The following RTL4 variants were observed in gnomAD, a reference collection of about 807,000 sequenced individuals.
RTL4 encodes retrotransposon Gag like 4.
Under a neutral mutation model 5.3 loss-of-function variants are expected in RTL4, and 4 were observed. That is an observed-to-expected ratio of 0.75 (90% CI 0.37 to 1.72). RTL4 has a LOEUF of 1.72. RTL4 is among the 40% of genes most tolerant of loss of function. The pLI is 0.04. For synonymous variants in RTL4, 98 were observed against 87.3 expected (o/e 1.12, Z -0.68); for missense variants, 260 against 227.1 (o/e 1.14, Z -0.93).
chrX:112,223,333 C>T, the RTL4 span, among the ~76,000 whole-genome samples: 1 of 112,351 alleles, frequency 8.9e-6, no homozygotes, highest in Admixed American at 9.4e-5. Context: ...TCCCTGACAA[C>T]GTGCCAGAGA....
chrX:112,154,490 C>G, the RTL4 span, among the ~76,000 whole-genome samples: 2 of 111,995 alleles, frequency 1.8e-5, no homozygotes, highest in Non-Finnish European at 3.8e-5. Context: ...TTGTTGTTGC[C>G]ATTTATTTTT....
chrX:112,199,288 C>CAAAAA, the RTL4 span, among the ~76,000 whole-genome samples: 1 of 34,172 alleles, frequency 2.9e-5, no homozygotes, highest in East Asian at 1.0e-3. Flanking sequence ...GGCTCCGTCT[C>CAAAAA]AAAAAAAAAA....
chrX:112,455,801 T>G lies in RTL4; in HGVS notation c.*140T>G, dbSNP rs898932550. 3.6e-5 allele frequency: 21 copies of G among 580,988 alleles called. No homozygotes were observed. The African/African-American group carries it at 4.7e-4, about 13-fold the overall frequency. 47.9% of individuals were successfully genotyped at this position (580,988 alleles called of 1,213,427 possible). A position where few individuals can be genotyped will look rare whatever the true frequency, so the allele number is the denominator to read the frequency against. ...TGAACTGACACGCTTTGGGGGAATT[T>G]AAACAATCAGATCTTGTTCATTGGC... On this transcript the variant is annotated 3_prime_UTR_variant, in exon 1 of 1. Transcript: ENST00000340433.
chrX:112,127,138 C>T, the RTL4 span, among the ~76,000 whole-genome samples: 3 of 111,526 alleles, frequency 2.7e-5, no homozygotes, highest in African/African-American at 9.8e-5. Flanking sequence ...GACCAATATC[C>T]TTTATGAACA....
chrX:112,211,552 C>A, the RTL4 span, among the ~76,000 whole-genome samples: 6 of 112,345 alleles, frequency 5.3e-5, no homozygotes, highest in South Asian at 2.2e-3. Context: ...GTTGCTTTGG[C>A]TGCTTTGCAC....
chrX:112,385,347 C>A, the RTL4 span, among the ~76,000 whole-genome samples: 1 of 109,158 alleles, frequency 9.2e-6, no homozygotes, highest in African/African-American at 3.3e-5. Context: ...GTCTGTGATT[C>A]ATTTGAAATT....
the RTL4 span, among the ~76,000 whole-genome samples, chrX:112,329,788 G>A: frequency 6.3e-5 from 7 of 111,168 alleles, no homozygotes; most frequent in East Asian, 2.8e-4. Flanking sequence ...GAATCCAGCA[G>A]CACATCAAAA....
At chrX:112,188,109 T>A in the RTL4 span, among the ~76,000 whole-genome samples, 10 of 111,533 alleles carry the variant, frequency 9.0e-5, no homozygotes, top group Admixed American at 1.9e-4. Flanking sequence ...TAATAATCAT[T>A]GTAGAATCAG....
chrX:112,087,603 A>G, the RTL4 span, among the ~76,000 whole-genome samples: 453 of 111,899 alleles, frequency 4.0e-3, 3 homozygotes, highest in African/African-American at 0.014. Context: ...CCTTATGGAC[A>G]GAGTAATGAG....
At chrX:112,434,470 A>G in the RTL4 span, among the ~76,000 whole-genome samples, 4 of 111,506 alleles carry the variant, frequency 3.6e-5, no homozygotes, top group Admixed American at 9.5e-5. Flanking sequence ...GGGAGGGTGT[A>G]TGTGTCGAGG....
the RTL4 span, among the ~76,000 whole-genome samples, chrX:112,317,542 C>T: frequency 1.4e-3 from 155 of 111,245 alleles, 1 homozygote; most frequent in African/African-American, 4.0e-3. Context: ...CCATGCTGCT[C>T]CCTGGAACTC....
At chrX:112,176,539 C>T in the RTL4 span, among the ~76,000 whole-genome samples, 1,345 of 110,998 alleles carry the variant, frequency 0.012, 17 homozygotes, top group African/African-American at 0.042. Context: ...TGTCACTGGC[C>T]AGGCACTAGA....
At chrX:112,417,620 A>G in the RTL4 span, among the ~76,000 whole-genome samples, 14 of 111,319 alleles carry the variant, frequency 1.3e-4, no homozygotes, top group Non-Finnish European at 2.3e-4. Context: ...GCTCAGTTGC[A>G]GGGGCTCCCT....
At chrX:112,102,042 T>C in the RTL4 span, among the ~76,000 whole-genome samples, 2 of 111,224 alleles carry the variant, frequency 1.8e-5, no homozygotes, top group African/African-American at 6.5e-5. Flanking sequence ...GTTTCTTTTG[T>C]TTTAAGCCCC....
chrX:112,443,461 A>G, the RTL4 span, among the ~76,000 whole-genome samples: 1 of 111,474 alleles, frequency 9.0e-6, no homozygotes, highest in South Asian at 3.8e-4. Context: ...CAGCAGTGAG[A>G]TTGCTGAATC....
the RTL4 span, among the ~76,000 whole-genome samples, chrX:112,380,625 A>G: frequency 3.5e-4 from 39 of 112,411 alleles, 1 homozygote; most frequent in African/African-American, 1.2e-3. Context: ...CCACCCGACC[A>G]TAGAGACACC....
the RTL4 span, among the ~76,000 whole-genome samples, chrX:112,234,145 T>C: frequency 9.0e-6 from 1 of 110,745 alleles, no homozygotes; most frequent in African/African-American, 3.3e-5. Flanking sequence ...TGAGCTGAGA[T>C]TGCGCCACTG....
the RTL4 span, among the ~76,000 whole-genome samples, chrX:112,324,357 T>A: frequency 8.9e-6 from 1 of 112,070 alleles, no homozygotes; most frequent in Non-Finnish European, 1.9e-5. Flanking sequence ...GTAATTCCAT[T>A]TCTCTATTTT....
the RTL4 span, among the ~76,000 whole-genome samples, chrX:112,301,342 A>G: frequency 1.8e-5 from 2 of 112,319 alleles, no homozygotes; most frequent in Admixed American, 1.9e-4. Flanking sequence ...GGGAATTATA[A>G]CAATACCTTC....
Sources: gnomAD v4.1 joint callset for allele counts (sites outside exome capture counted in the v4.1 genomes callset) on GRCh38, gnomAD v4.1.1 for gene constraint, MANE v1.5 for transcripts, NCBI Gene and HGNC (gene_info 2026-07-23, HGNC 2026-07-21) for gene names.